The following PLB1 variants were observed in gnomAD, a reference collection of about 807,000 sequenced individuals.
PLB1 encodes the protein phospholipase B1, membrane-associated.
A neutral mutation model predicts 227.4 loss-of-function variants in PLB1; 242 were observed. The observed-to-expected ratio is 1.06, with a 90% CI of 0.96 to 1.18. The LOEUF (loss-of-function observed/expected upper bound fraction) is 1.18. Ranked by LOEUF, PLB1 falls within the 50% of genes most tolerant of loss-of-function variation. The pLI is 0.00. For missense variants in PLB1, 1,858 were observed against 1,816.3 expected (o/e 1.02, Z -0.42); for synonymous variants, 757 against 682.2 (o/e 1.11, Z -1.71).
intron 43 of PLB1, among the ~76,000 whole-genome samples, chr2:28,608,419 G>T (rs1684979375): frequency 6.6e-6 from 1 of 152,208 alleles, no homozygotes. Flanking sequence ...GCAAGACGCA[G>T]TGGGGGGCGG....
chr2:28,642,975 G>C lies in PLB1; in HGVS notation c.4291G>C (p.Gly1431Arg), dbSNP rs1205648818. The C allele has an allele frequency of 1.2e-6, 2 of 1,610,292 alleles. No individual in the cohort carries two copies. The highest frequency in any genetic ancestry group is 2.7e-5 in the African/African-American group (2 of 74,910). Residue 1431 changes from glycine to arginine, a missense_variant, in exon 58 of 58, where the codon GGC becomes CGC. Physicochemically the swap from Gly to Arg is moderately radical, Grantham distance 125. Coordinates refer to ENST00000327757, the MANE Select transcript of PLB1 (RefSeq NM_153021.5). Reference protein sequence around the residue: ...PVAAGVGLVVGIIGTVVWRCR... With the variant: ...PVAAGVGLVVRIIGTVVWRCR... ...GGCAGCGGGAGTCGGCCTTGTGGTGGGCATCATCGGGACAGTGGTCTGGAG... is the reference window on the plus strand; with the variant it reads ...GGCAGCGGGAGTCGGCCTTGTGGTGCGCATCATCGGGACAGTGGTCTGGAG...
intron 12 of PLB1, among the ~76,000 whole-genome samples, chr2:28,540,965 G>A (rs1246021534): frequency 6.6e-6 from 1 of 152,132 alleles, no homozygotes; most frequent in Non-Finnish European, 1.5e-5. Flanking sequence ...GAGGTCAGGA[G>A]TTCAAGACCA....
At chr2:28,630,895 C>G (rs1193059499) in intron 54 of PLB1, among the ~76,000 whole-genome samples, 1 of 152,172 alleles carries the variant, frequency 6.6e-6, no homozygotes, top group African/African-American at 2.4e-5. Context: ...GGGTAGGCAG[C>G]AAGAGATTCC....
In PLB1 at chr2:28,566,849, C is replaced by T. The variant is rs1393152093; in HGVS notation, c.1324+10C>T. The T allele has an allele frequency of 1.9e-6, 3 of 1,613,132 alleles. No individual in the cohort carries two copies. Among genetic ancestry groups the T allele is most frequent in the Non-Finnish European group, 2.5e-6 (3 of 1,179,234 alleles). ...GTTACCACCCTGGCGAGTGAGTACG[C>T]GGCGGCGGCCGGGATGTTTGGTTTG... On this transcript the variant is annotated intron_variant, in intron 20 of 57. Transcript: ENST00000327757.
chr2:28,596,567 G>T (rs976819917), intron 33 of PLB1, among the ~76,000 whole-genome samples: 1 of 152,200 alleles, frequency 6.6e-6, no homozygotes, highest in African/African-American at 2.4e-5. Context: ...ACAAGTGATT[G>T]GCAGAGGTAT....
At chr2:28,633,728 T>C (rs6721990) in intron 56 of PLB1, among the ~76,000 whole-genome samples, 98,546 of 152,160 alleles carry the variant, frequency 0.65, 33,517 homozygotes, top group African/African-American at 0.86. Flanking sequence ...AGCAACTGAA[T>C]GGTTTCCGCA....
intron 26 of PLB1, among the ~76,000 whole-genome samples, chr2:28,587,051 A>C (rs1014020761): frequency 6.6e-6 from 1 of 152,160 alleles, no homozygotes; most frequent in African/African-American, 2.4e-5. Context: ...GCCAAGCCAC[A>C]CTTCCTTCTG....
chr2:28,555,704 A>G (rs571622846), intron 17 of PLB1, among the ~76,000 whole-genome samples: 1 of 152,286 alleles, frequency 6.6e-6, no homozygotes, highest in South Asian at 2.1e-4. Flanking sequence ...TGCTGAACTA[A>G]TCTGAATGAG....
chr2:28,584,885 G>A (rs2148275197), intron 25 of PLB1, among the ~76,000 whole-genome samples: 1 of 152,312 alleles, frequency 6.6e-6, no homozygotes, highest in African/African-American at 2.4e-5. Flanking sequence ...GCAGACTTGA[G>A]TTCAAGTCCT....
intron 56 of PLB1, among the ~76,000 whole-genome samples, chr2:28,636,033 G>GTGTGTGTA (rs1553467803): frequency 1.3e-5 from 2 of 149,692 alleles, no homozygotes; most frequent in African/African-American, 4.9e-5. Context: ...GTGTGTATGT[G>GTGTGTGTA]TGTGTGTGTA....
At chr2:28,617,467 T>A (rs1413751795) in intron 44 of PLB1, among the ~76,000 whole-genome samples, 1 of 152,192 alleles carries the variant, frequency 6.6e-6, no homozygotes, top group East Asian at 1.9e-4. Flanking sequence ...TATATGGGGA[T>A]AAGAAAGGTG....
At chr2:28,540,331 C>T in intron 11 of PLB1, 35 bp from the exon 12 acceptor site, 3 of 1,590,608 alleles carry the variant, frequency 1.9e-6, no homozygotes, top group Non-Finnish European at 2.6e-6. Flanking sequence ...CACACTGCCT[C>T]CCCTCTCTCA....
chr2:28,543,064 C>T (rs868716368), intron 13 of PLB1, 148 bp from the exon 14 acceptor site: 19 of 754,840 alleles, frequency 2.5e-5, no homozygotes, highest in Middle Eastern at 2.9e-4. Context: ...CCCATAAGTG[C>T]CCCTGTTATT....
At chr2:28,529,239 C>A in intron 6 of PLB1, 78 bp from the exon 7 acceptor site, 1 of 979,964 alleles carries the variant, frequency 1.0e-6, no homozygotes, top group Non-Finnish European at 1.6e-6. Context: ...GCCACCACTC[C>A]TGGCAGTAGG....
At chr2:28,608,529 G>C (rs1026224929) in intron 43 of PLB1, among the ~76,000 whole-genome samples, 4 of 152,180 alleles carry the variant, frequency 2.6e-5, no homozygotes, top group Non-Finnish European at 5.9e-5. Context: ...TGCCAGGTAG[G>C]GTGACTTAAC....
In PLB1 at chr2:28,643,122, C is replaced by G. The variant is rs1249611334; in HGVS notation, c.*61C>G. The G allele has an allele frequency of 1.0e-5, 15 of 1,430,330 alleles. 1 individual carries two copies. In the African/African-American group the frequency reaches 2.0e-4, roughly 19 times the overall value. The allele number at this position is 1,430,330 out of a possible 1,614,324, so 88.6% of individuals were successfully genotyped here. A position where few individuals can be genotyped will look rare whatever the true frequency, so the allele number is the denominator to read the frequency against. On this transcript the variant is annotated 3_prime_UTR_variant, in exon 58 of 58. Coordinates refer to ENST00000327757, the MANE Select transcript of PLB1 (RefSeq NM_153021.5). Reference sequence around the variant, plus strand: ...GCCACTCTCTTCACCGCCCTCTGCCCCAGCCACTCCCGGCCACCAGGACAT... The same window carrying G: ...GCCACTCTCTTCACCGCCCTCTGCCGCAGCCACTCCCGGCCACCAGGACAT...
chr2:28,573,495 C>G (rs747621352), intron 21 of PLB1, among the ~76,000 whole-genome samples, 190 bp downstream of exon 21: 1 of 152,220 alleles, frequency 6.6e-6, no homozygotes, highest in South Asian at 2.1e-4. Context: ...ACACCCACCC[C>G]CAGAAACTAG....
chr2:28,573,105 C>A, intron 20 of PLB1, 92 bp from the exon 21 acceptor site: 1 of 971,730 alleles, frequency 1.0e-6, no homozygotes, highest in Non-Finnish European at 1.6e-6. Context: ...GGAGTGGGGA[C>A]TCTGTTCCCT....
At position 28,601,337 on chromosome 2, in the gene PLB1, T is replaced by C. The variant is rs368173846; in HGVS notation, c.2607+5T>C. The C allele has an allele frequency of 2.2e-4, 362 of 1,613,254 alleles. 1 individual carries two copies. The highest frequency in any genetic ancestry group is 5.1e-4 in the South Asian group (46 of 91,014). On this transcript the variant is annotated splice_donor_5th_base_variant and intron_variant, in intron 37 of 57. Coordinates refer to ENST00000327757, the MANE Select transcript of PLB1 (RefSeq NM_153021.5). ...TGTGACTACTGCACAGATTCGGTAA[T>C]TGGGGCCAGGTCCAGGCCTACTTGT...
Sources: gnomAD v4.1 joint callset for allele counts (sites outside exome capture counted in the v4.1 genomes callset) on GRCh38, gnomAD v4.1.1 for gene constraint, MANE v1.5 for transcripts, NCBI Gene and HGNC (gene_info 2026-07-23, HGNC 2026-07-21) for gene names.